Variants in UBAP2L observed in about 807,000 individuals in gnomAD.
The protein encoded by UBAP2L is ubiquitin-associated protein 2-like.
Under a neutral mutation model 130.6 loss-of-function variants are expected in UBAP2L, and 12 were observed. That is an observed-to-expected ratio of 0.09 (90% CI 0.06 to 0.15). The LOEUF (loss-of-function observed/expected upper bound fraction) is 0.15. UBAP2L is among the 10% of genes least tolerant of loss of function. UBAP2L has a pLI of 1.00. For missense variants in UBAP2L, 965 were observed against 1,332.5 expected (o/e 0.72, Z 4.29); for synonymous variants, 503 against 524.7 (o/e 0.96, Z 0.57).
intron 11 of UBAP2L, among the ~76,000 whole-genome samples, chr1:154,248,647 T>A (rs76480582): frequency 6.6e-6 from 1 of 152,086 alleles, no homozygotes; most frequent in Non-Finnish European, 1.5e-5. Context: ...AAACGCTGTC[T>A]CTACTAAAAA....
chr1:154,251,004 G>T, intron 12 of UBAP2L, 37 bp from the exon 13 acceptor site: 1 of 1,571,944 alleles, frequency 6.4e-7, no homozygotes, highest in Admixed American at 1.8e-5. Flanking sequence ...AGATTCATTA[G>T]CATCTCTGGC....
At chr1:154,259,629 C>G (rs1680858056) in intron 21 of UBAP2L, 2 of 381,740 alleles carry the variant, frequency 5.2e-6, no homozygotes, top group Non-Finnish European at 9.8e-6. Flanking sequence ...ATCGAATGAT[C>G]TGTTTTCTCA....
intron 3 of UBAP2L, 69 bp from the exon 4 acceptor site, chr1:154,228,546 C>T (rs1668745558): frequency 8.3e-6 from 10 of 1,201,054 alleles, no homozygotes; most frequent in South Asian, 1.3e-5. Context: ...TTTCCCTTCA[C>T]CTAGTTTCCT....
intron 20 of UBAP2L, among the ~76,000 whole-genome samples, chr1:154,258,071 C>T (rs531196951): frequency 1.2e-4 from 19 of 152,262 alleles, no homozygotes; most frequent in African/African-American, 4.3e-4. Flanking sequence ...TGGGCTCAAG[C>T]AATCCTCTCA....
intron 3 of UBAP2L, among the ~76,000 whole-genome samples, 181 bp from the exon 4 acceptor site, chr1:154,228,434 A>G (rs1012228871): frequency 6.6e-6 from 1 of 151,952 alleles, no homozygotes; most frequent in Admixed American, 6.6e-5. Flanking sequence ...TGATCCGCCC[A>G]CCTCAGCCTT....
intron 21 of UBAP2L, 43 bp from the exon 22 acceptor site, chr1:154,259,905 T>C: frequency 6.4e-7 from 1 of 1,568,906 alleles, no homozygotes; most frequent in Non-Finnish European, 8.8e-7. Flanking sequence ...TGCTGGGGAA[T>C]GAGTGACATT....
At chr1:154,236,465 G>GCCTGC (rs1671717647) in intron 6 of UBAP2L, 101 bp from the exon 7 acceptor site, 2 of 1,278,342 alleles carry the variant, frequency 1.6e-6, no homozygotes, top group African/African-American at 2.9e-5. Flanking sequence ...CTTTCAAAGT[G>GCCTGC]CTGGGATTAC....
chr1:154,257,229 C>G lies in UBAP2L; in HGVS notation c.2324C>G (p.Ser775Trp). 6.2e-7 allele frequency: 1 copy of G among 1,614,210 alleles called. No individual in the cohort carries two copies. The highest frequency in any genetic ancestry group is 8.5e-7 in the Non-Finnish European group (1 of 1,180,030). Reference protein sequence around the residue: ...SLGSNSTVTASTRSSVATTSG... With the variant: ...SLGSNSTVTAWTRSSVATTSG... ...GGCAGCAACTCCACTGTCACAGCCTCGACTCGAAGCTCAGTTGCTACGACT... is the reference window on the plus strand; with the variant it reads ...GGCAGCAACTCCACTGTCACAGCCTGGACTCGAAGCTCAGTTGCTACGACT... The change falls in exon 19 of 27, where the codon TCG (serine) becomes TGG (tryptophan). Residue 775 changes from serine to tryptophan, a missense_variant. Physicochemically the swap from Ser to Trp is radical, Grantham distance 177 (BLOSUM62 -3). This residue lies in a region of UBAP2L where 393 missense variants were observed against 408.1 expected (regional missense o/e 0.96). Coordinates refer to ENST00000428931, the MANE Select transcript of UBAP2L (RefSeq NM_014847.4).
chr1:154,251,038 C>G lies in UBAP2L; in HGVS notation c.1214-3C>G. 6.2e-7 allele frequency: 1 copy of G among 1,601,550 alleles called. No homozygotes were observed. On this transcript the variant is annotated splice_polypyrimidine_tract_variant and splice_region_variant and intron_variant, in intron 12 of 26. Transcript: ENST00000428931. ...GCTTCATATACTGGGTTTCCTCTTG[C>G]AGATTTGAAGAACCCAAGTGATTCA...
In UBAP2L at chr1:154,235,241, C is replaced by T. The variant is rs557688567; in HGVS notation, c.494C>T (p.Pro165Leu). The stretch of plus-strand genomic sequence containing the variant: ...TTGGATGGCACCAAGAGTGGAGGGC[C>T]TTCTGGAAGAGGAACAGAAAGAGGC... Reference protein sequence around the residue: ...NGLDGTKSGGPSGRGTERGRR... With the variant: ...NGLDGTKSGGLSGRGTERGRR... Residue 165 changes from proline to leucine, a missense_variant, in exon 6 of 27, where the codon CCT becomes CTT. This residue lies in a region of UBAP2L where 109 missense variants were observed against 146.6 expected (regional missense o/e 0.74). Coordinates refer to ENST00000428931, the MANE Select transcript of UBAP2L (RefSeq NM_014847.4). 2.6e-6 allele frequency: 2 copies of T among 779,160 alleles called. No homozygotes were observed. Among genetic ancestry groups the T allele is most frequent in the Non-Finnish European group, 4.8e-6 (2 of 417,726 alleles). The allele number at this position is 779,160 out of a possible 1,614,324, so 48.3% of individuals were successfully genotyped here.
At chr1:154,253,827 T>G (rs1678728675) in intron 14 of UBAP2L, 73 bp from the exon 15 acceptor site, 2 of 1,459,272 alleles carry the variant, frequency 1.4e-6, no homozygotes, top group Non-Finnish European at 1.9e-6. Context: ...CTAGTAGATC[T>G]CCACGATTTC....
At chr1:154,251,790 T>C in intron 14 of UBAP2L, 137 bp downstream of exon 14, 1 of 949,442 alleles carries the variant, frequency 1.1e-6, no homozygotes, top group Non-Finnish European at 1.5e-6. Context: ...ATAGCATTTT[T>C]AGTGCTTTAA....
chr1:154,249,110 T>A (rs987940499), intron 11 of UBAP2L, 129 bp from the exon 12 acceptor site: 6 of 827,030 alleles, frequency 7.3e-6, no homozygotes, highest in Non-Finnish European at 1.2e-5. Flanking sequence ...GACTATGCTG[T>A]ATACTCAGTG....
intron 18 of UBAP2L, 143 bp downstream of exon 18, chr1:154,255,898 G>C (rs1679478829): frequency 1.1e-6 from 1 of 950,382 alleles, no homozygotes; most frequent in Admixed American, 2.0e-5. Flanking sequence ...AAGGAGTAAA[G>C]GGATGTTAGG....
chr1:154,262,731 GTTAAA>G lies in UBAP2L; in HGVS notation c.2902+1040_2902+1044del, dbSNP rs1337605292. On this transcript the variant is annotated intron_variant, in intron 24 of 26. Transcript: ENST00000428931. ...CTGCATGAGTTAGAGTGGGTCATGA[GTTAAA>G]TTAAACAAATCCTGAGAAGCCCCAT... is the stretch of plus-strand genomic sequence containing the variant. Among the ~76,000 whole-genome samples, 6 of 152,250 alleles carry G rather than the reference GTTAAA, an allele frequency of 3.9e-5. 1 individual carries two copies. The highest frequency in any genetic ancestry group is 1.3e-4 in the Admixed American group (2 of 15,296).
At chr1:154,220,324 GT>G, upstream of UBAP2L, 1 of 1,613,968 alleles carries the variant, frequency 6.2e-7, no homozygotes, top group Non-Finnish European at 8.5e-7. Flanking sequence ...CAGGAATGGG[GT>G]GGGGTAATCT....
At chr1:154,246,138 T>A (rs1675399477) in intron 10 of UBAP2L, 66 bp from the exon 11 acceptor site, 1 of 1,526,180 alleles carries the variant, frequency 6.6e-7, no homozygotes, top group Non-Finnish European at 8.9e-7. Context: ...CTAATCTGAT[T>A]TGAGTGTTGG....
intron 12 of UBAP2L, 72 bp downstream of exon 12, chr1:154,249,509 G>A (rs1676768812): frequency 6.3e-7 from 1 of 1,589,624 alleles, no homozygotes; most frequent in South Asian, 1.1e-5. Context: ...GCAGGGGGAG[G>A]GGGTGGAGAA....
intron 18 of UBAP2L, among the ~76,000 whole-genome samples, chr1:154,256,378 T>A (rs1274007991): frequency 6.6e-6 from 1 of 152,216 alleles, no homozygotes; most frequent in Admixed American, 6.5e-5. Flanking sequence ...GGCTCACCTC[T>A]GTAATCCCAA....
Sources: gnomAD v4.1 joint callset for allele counts (sites outside exome capture counted in the v4.1 genomes callset) on GRCh38, gnomAD v4.1.1 for gene constraint, gnomAD v4.1.1 regional missense constraint, MANE v1.5 for transcripts, NCBI Gene and HGNC (gene_info 2026-07-23, HGNC 2026-07-21) for gene names.